Variants in ADGRL2 observed in about 807,000 individuals in gnomAD.
The protein encoded by ADGRL2 is calcium-independent alpha-latrotoxin receptor 2.
In ADGRL2, 44 loss-of-function variants were observed where a neutral mutation model predicts 157.4. The ratio of observed to expected loss-of-function variants is 0.28; its 90% CI spans 0.22 to 0.36. The LOEUF (loss-of-function observed/expected upper bound fraction) is 0.36, where lower values mean the gene tolerates loss of function less well. ADGRL2 is among the 10% of genes least tolerant of loss of function. The pLI, the probability that ADGRL2 is intolerant of heterozygous loss-of-function variation, is 1.00. For missense variants in ADGRL2, 1,510 were observed against 1,768.9 expected, an observed-to-expected ratio of 0.85 and a Z score of 2.63; for synonymous variants, 585 against 624.7, an observed-to-expected ratio of 0.94 and a Z score of 0.95.
chr1:81,434,336 G>C (rs1387908692), intron 1 of ADGRL2, among the ~76,000 whole-genome samples: 1 of 151,976 alleles, frequency 6.6e-6, no homozygotes, highest in Non-Finnish European at 1.5e-5. Context: ...TATTTTCTGG[G>C]TACTTATTCT....
chr1:81,514,526 TG>T (rs1557749483), intron 2 of ADGRL2: 1 of 152,172 alleles, frequency 6.6e-6, no homozygotes, highest in East Asian at 1.9e-4. Context: ...TTTTCAACTT[TG>T]GGGGTTTCAG....
chr1:81,316,653 G>T (rs929330607), intron 1 of ADGRL2, among the ~76,000 whole-genome samples: 1 of 152,124 alleles, frequency 6.6e-6, no homozygotes, highest in African/African-American at 2.4e-5. Flanking sequence ...CTGACAGAAG[G>T]CATGTATTAT....
intron 3 of ADGRL2, among the ~76,000 whole-genome samples, chr1:81,675,058 T>C (rs2082958015): frequency 6.6e-6 from 1 of 152,124 alleles, no homozygotes; most frequent in South Asian, 2.1e-4. Flanking sequence ...CCCAAATCAG[T>C]ACAAAGGCAA....
chr1:81,529,997 C>T (rs1377712992), intron 2 of ADGRL2, among the ~76,000 whole-genome samples: 2 of 152,106 alleles, frequency 1.3e-5, no homozygotes, highest in Non-Finnish European at 2.9e-5. Context: ...AATAACATGC[C>T]CAAGGTCACT....
chr1:81,543,105 G>A (rs1226740587), intron 2 of ADGRL2, among the ~76,000 whole-genome samples: 1 of 151,398 alleles, frequency 6.6e-6, no homozygotes, highest in Non-Finnish European at 1.5e-5. Context: ...ATGTAGGACT[G>A]TATTTCCACA....
At chr1:81,864,203 G>T (rs1434017689) in intron 2 of ADGRL2, among the ~76,000 whole-genome samples, 4 of 152,102 alleles carry the variant, frequency 2.6e-5, no homozygotes, top group Admixed American at 2.6e-4. Context: ...GCTTAATTCT[G>T]TATATCCATC....
At chr1:81,392,718 T>G (rs1251929657) in intron 1 of ADGRL2, among the ~76,000 whole-genome samples, 1 of 152,040 alleles carries the variant, frequency 6.6e-6, no homozygotes, top group Non-Finnish European at 1.5e-5. Flanking sequence ...GGAAATAGAG[T>G]GCCAACTGGC....
At chr1:81,666,439 A>G (rs888017461) in intron 3 of ADGRL2, among the ~76,000 whole-genome samples, 5 of 152,180 alleles carry the variant, frequency 3.3e-5, no homozygotes, top group South Asian at 2.1e-4. Flanking sequence ...ATAAAAACGT[A>G]TTGATTGGTA....
chr1:81,711,887 A>T (rs542091810), intron 1 of ADGRL2, among the ~76,000 whole-genome samples: 4 of 152,220 alleles, frequency 2.6e-5, no homozygotes, highest in Non-Finnish European at 4.4e-5. Flanking sequence ...AAGGGAGAAG[A>T]TAGATTAATG....
rs188790016 is a variant in ADGRL2 at position 81,885,166 on chromosome 1, C to G, written c.74-21851C>G. ...GTAAGGAGGGGAAAGTGAAGGAAAACTGTTTTTAGCTGGTATCATCTATTT... is the reference window on the plus strand; with the variant it reads ...GTAAGGAGGGGAAAGTGAAGGAAAAGTGTTTTTAGCTGGTATCATCTATTT... On this transcript the variant is annotated intron_variant, in intron 2 of 23. Transcript: ENST00000686636. Among the ~76,000 whole-genome samples the G allele has an allele frequency of 3.9e-5, 6 of 152,212 alleles. No individual in the cohort carries two copies. In the East Asian group the frequency reaches 1.2e-3, roughly 29 times the overall value.
intron 2 of ADGRL2, chr1:81,502,505 A>G: frequency 6.2e-7 from 1 of 1,614,040 alleles, no homozygotes; most frequent in Non-Finnish European, 8.5e-7. Context: ...AATCCCCATC[A>G]TGGCCAAACA....
At position 81,842,520 on chromosome 1, in the gene ADGRL2, TCTAA is replaced by T. The variant is rs1411152678; in HGVS notation, c.73+5466_73+5469del. Among the ~76,000 whole-genome samples, 8 of 151,266 alleles carry T rather than the reference TCTAA, an allele frequency of 5.3e-5. 1 individual carries two copies. Among genetic ancestry groups the T allele is most frequent in the Admixed American group, 4.6e-4 (7 of 15,180 alleles). ...TTACAGGCACCTGCCACCATGCCTG[TCTAA>T]CTTTTTTATTTTTAGTAGAGACGGG... On this transcript the variant is annotated intron_variant, in intron 2 of 23. Transcript: ENST00000686636.
intron 6 of ADGRL2, 124 bp from the exon 7 acceptor site, chr1:81,950,065 T>C: frequency 1.3e-6 from 1 of 747,506 alleles, no homozygotes; most frequent in Non-Finnish European, 2.3e-6. Flanking sequence ...ATTTCCTTGG[T>C]TTGTGGGCAG....
chr1:81,493,016 G>T (rs542406439), intron 2 of ADGRL2, among the ~76,000 whole-genome samples: 2 of 152,222 alleles, frequency 1.3e-5, no homozygotes, highest in East Asian at 1.9e-4. Flanking sequence ...AAAACTATAG[G>T]TAAGTGATAG....
intron 3 of ADGRL2, among the ~76,000 whole-genome samples, chr1:81,633,891 C>T (rs191129937): frequency 9.9e-5 from 15 of 152,240 alleles, no homozygotes; most frequent in East Asian, 5.8e-4. Flanking sequence ...ATGATGAAGG[C>T]GGTAGTAACA....
At chr1:81,881,615 C>G (rs1180565189) in intron 2 of ADGRL2, among the ~76,000 whole-genome samples, 1 of 152,178 alleles carries the variant, frequency 6.6e-6, no homozygotes, top group South Asian at 2.1e-4. Context: ...TCTGTTCATC[C>G]TGCCAGGGTA....
chr1:81,824,091 A>G (rs1412514509), intron 1 of ADGRL2, among the ~76,000 whole-genome samples: 3 of 152,154 alleles, frequency 2.0e-5, no homozygotes, highest in East Asian at 1.9e-4. Flanking sequence ...ATTACATTAC[A>G]TAAATTCGTG....
intron 2 of ADGRL2, among the ~76,000 whole-genome samples, chr1:81,471,783 C>G (rs1007524010): frequency 2.0e-5 from 3 of 152,086 alleles, no homozygotes; most frequent in African/African-American, 7.2e-5. Context: ...CTGGATAAGA[C>G]CTAAATTTTA....
At chr1:81,589,736 G>A (rs1458441723) in intron 3 of ADGRL2, among the ~76,000 whole-genome samples, 1 of 152,112 alleles carries the variant, frequency 6.6e-6, no homozygotes, top group East Asian at 1.9e-4. Context: ...TCCTCAGGAT[G>A]TGGTAACTGG....
Sources: gnomAD v4.1 joint callset for allele counts (sites outside exome capture counted in the v4.1 genomes callset) on GRCh38, gnomAD v4.1.1 for gene constraint, MANE v1.5 for transcripts, NCBI Gene and HGNC (gene_info 2026-07-23, HGNC 2026-07-21) for gene names.